The following TRPV3 variants were observed in gnomAD, a reference collection of about 807,000 sequenced individuals.
TRPV3 encodes VRL-3.
In TRPV3, 88 loss-of-function variants were observed where a neutral mutation model predicts 87.1. The ratio of observed to expected loss-of-function variants is 1.01; its 90% CI spans 0.85 to 1.21. The LOEUF (loss-of-function observed/expected upper bound fraction) is 1.21. TRPV3 is among the 50% of genes most tolerant of loss of function. The pLI is 0.00. For synonymous variants in TRPV3, 438 were observed against 423.3 expected, an observed-to-expected ratio of 1.03 and a Z score of -0.43; for missense variants, 1,054 against 1,030.1, an observed-to-expected ratio of 1.02 and a Z score of -0.32.
intron 6 of TRPV3, among the ~76,000 whole-genome samples, chr17:3,541,379 A>C (rs1356994412): frequency 6.6e-6 from 1 of 152,192 alleles, no homozygotes; most frequent in Non-Finnish European, 1.5e-5. Flanking sequence ...AAAAACAAAA[A>C]CAAAAAAGCT....
At position 3,528,589 on chromosome 17, in the gene TRPV3, C is replaced by T. The variant is rs2074320734; in HGVS notation, c.1401+248G>A. Among the ~76,000 whole-genome samples, 1 of 152,192 alleles carries T rather than the reference C, an allele frequency of 6.6e-6. No homozygotes were observed. The highest frequency in any genetic ancestry group is 1.5e-5 in the Non-Finnish European group (1 of 68,034). On this transcript the variant is annotated intron_variant, in intron 10 of 17. Transcript: ENST00000576742. The surrounding 1 kb of genome is among the most constrained non-coding windows in gnomAD (Gnocchi z 4.2). ...TTACAGACAGAGACCCTGTGCAGGGCCTGAGTCTCCGAATTCTCCAACTTT... is the reference window on the plus strand; with the variant it reads ...TTACAGACAGAGACCCTGTGCAGGGTCTGAGTCTCCGAATTCTCCAACTTT...
At chr17:3,535,312 C>T (rs2074396930) in intron 7 of TRPV3, among the ~76,000 whole-genome samples, 1 of 97,650 alleles carries the variant, frequency 1.0e-5, no homozygotes, top group Non-Finnish European at 2.5e-5. Flanking sequence ...TTCCCTCTTC[C>T]TTTCTCCCTC....
rs1427813304 is a variant in TRPV3 at position 3,524,279 on chromosome 17, G to A, written c.1662C>T (p.Ala554=). ...GCATGTTCGCCCAGCCCAGGGCCATGGCCAGCACGAGGCAGGCGAGGTACT... is the reference window on the plus strand; with the variant it reads ...GCATGTTCGCCCAGCCCAGGGCCATAGCCAGCACGAGGCAGGCGAGGTACT... The part of the protein sequence containing the change: ...YKEYLACLVL[A]MALGWANMLY... Residue 554 remains alanine, a synonymous_variant, in exon 13 of 18, where the codon GCC becomes GCT. Coordinates refer to ENST00000576742, the MANE Select transcript of TRPV3 (RefSeq NM_145068.4). 4.3e-6 allele frequency: 7 copies of A among 1,614,098 alleles called. No individual in the cohort carries two copies. Among genetic ancestry groups the A allele is most frequent in the Non-Finnish European group, 5.1e-6 (6 of 1,180,048 alleles).
intron 17 of TRPV3, 77 bp downstream of exon 17, chr17:3,514,516 A>G (rs1405816633): frequency 5.9e-6 from 6 of 1,021,418 alleles, no homozygotes; most frequent in Non-Finnish European, 6.2e-6. Context: ...GAAAGTCAGG[A>G]CCCTTAGACT....
At chr17:3,523,718 C>CAAAAAAAAAAAAAAAAAAAAAAAA (rs201681037) in intron 13 of TRPV3, among the ~76,000 whole-genome samples, 1 of 78,640 alleles carries the variant, frequency 1.3e-5, no homozygotes, top group Non-Finnish European at 2.6e-5. Context: ...ACTTGGTCTC[C>CAAAAAAAAAAAAAAAAAAAAAAAA]AAAAAAAAAA....
chr17:3,519,037 G>C (rs2040924527), intron 14 of TRPV3, among the ~76,000 whole-genome samples, 187 bp from the exon 15 acceptor site: 1 of 152,180 alleles, frequency 6.6e-6, no homozygotes, highest in African/African-American at 2.4e-5. Context: ...CCTGCAGAAA[G>C]CCCTTCCACC....
At chr17:3,539,156 T>TAATC (rs765941202) in intron 6 of TRPV3, among the ~76,000 whole-genome samples, 5 of 152,144 alleles carry the variant, frequency 3.3e-5, no homozygotes, top group Admixed American at 1.3e-4. Flanking sequence ...GGTTAATAGT[T>TAATC]AATCAAAAAA....
intron 12 of TRPV3, 121 bp from the exon 13 acceptor site, chr17:3,524,484 A>G (rs975262193): frequency 2.8e-5 from 36 of 1,265,988 alleles, no homozygotes; most frequent in African/African-American, 6.0e-5. Context: ...CGGATGCTGA[A>G]GAGACCAGAA....
intron 2 of TRPV3, among the ~76,000 whole-genome samples, chr17:3,546,293 T>C (rs188938876): frequency 7.3e-5 from 11 of 151,144 alleles, no homozygotes; most frequent in Admixed American, 7.2e-4. Flanking sequence ...AATACAAAAA[T>C]TAGACAGGCG....
chr17:3,527,051 G>C, intron 11 of TRPV3, 124 bp from the exon 12 acceptor site: 2 of 748,088 alleles, frequency 2.7e-6, no homozygotes, highest in African/African-American at 1.7e-5. Context: ...CCCAGCTAGA[G>C]TCCAGGTGGC....
At chr17:3,535,800 G>A in intron 6 of TRPV3, 87 bp from the exon 7 acceptor site, 2 of 1,350,936 alleles carry the variant, frequency 1.5e-6, no homozygotes, top group Non-Finnish European at 1.9e-6. Flanking sequence ...TACCCTCCCC[G>A]AACCCACGGG....
chr17:3,524,220 A>G lies in TRPV3; in HGVS notation c.1721T>C (p.Met574Thr), dbSNP rs1212526222. 2.5e-6 allele frequency: 4 copies of G among 1,614,216 alleles called. No individual in the cohort carries two copies. Among genetic ancestry groups the G allele is most frequent in the East Asian group, 2.2e-5 (1 of 44,884 alleles). Residue 574 changes from methionine to threonine, a missense_variant, in exon 13 of 18, where the codon ATG (methionine) becomes ACG (threonine). By Grantham distance (81) the Met-to-Thr change is moderately conservative. Coordinates refer to ENST00000576742, the MANE Select transcript of TRPV3 (RefSeq NM_145068.4). Reference sequence around the variant, plus strand: ...CACCTTCTGGATCATGACGCTGTACATGCCCATGGACTGGAAACCCCGCGT... The same window carrying G: ...CACCTTCTGGATCATGACGCTGTACGTGCCCATGGACTGGAAACCCCGCGT... ...YYTRGFQSMG[M>T]YSVMIQKVIL...
Position 3,530,833 on chromosome 17 carries a change from A to G in TRPV3, c.1066-630T>C, listed in dbSNP as rs574678970. ...CACTTTGGGAGGCCGAGGCGGGTGG[A>G]TCATTTGAGGTCAGGAGTTCGAGAC... On this transcript the variant is annotated intron_variant, in intron 8 of 17. Coordinates refer to ENST00000576742, the MANE Select transcript of TRPV3 (RefSeq NM_145068.4). This position sits in a 1 kb window ranked among gnomAD's most constrained non-coding sequence, Gnocchi z 4.0. Among the ~76,000 whole-genome samples the G allele has an allele frequency of 6.6e-6, 1 of 152,214 alleles. No homozygotes were observed. The highest frequency in any genetic ancestry group is 1.9e-4 in the East Asian group (1 of 5,162).
In TRPV3 at chr17:3,528,728, C is replaced by A; in HGVS notation, c.1401+109G>T. The A allele has an allele frequency of 7.4e-7, 1 of 1,346,510 alleles. No homozygotes were observed. Among genetic ancestry groups the A allele is most frequent in the Admixed American group, 2.2e-5 (1 of 44,886 alleles). The allele number at this position is 1,346,510 out of a possible 1,614,324, so 83.4% of individuals were successfully genotyped here. On this transcript the variant is annotated intron_variant, in intron 10 of 17. Transcript: ENST00000576742. The surrounding 1 kb of genome is among the most constrained non-coding windows in gnomAD (Gnocchi z 4.2). ...GTGAAGGACAACTGGGGGACCCCGC[C>A]CAATCTCCTGGTCTCTCTGGGCCTC...
rs1261444726 is a variant in TRPV3, at chr17:3,513,673, C to T, written c.*244G>A. On this transcript the variant is annotated 3_prime_UTR_variant, in exon 18 of 18. Transcript: ENST00000576742. ...CAGGAGGCTCCCAGGCTCCAGACTG[C>T]TGCTGGCTGTAGGTTTACACCAGCT... 2 of 425,312 alleles carry T rather than the reference C, an allele frequency of 4.7e-6. No individual in the cohort carries two copies. Among genetic ancestry groups the T allele is most frequent in the Admixed American group, 7.6e-5 (2 of 26,306 alleles). The allele number at this position is 425,312 out of a possible 1,614,324, so 26.3% of individuals were successfully genotyped here.
intron 5 of TRPV3, among the ~76,000 whole-genome samples, chr17:3,542,905 G>T (rs1478800696): frequency 6.6e-6 from 1 of 151,912 alleles, no homozygotes; most frequent in Non-Finnish European, 1.5e-5. Context: ...GTGGCCCATG[G>T]GTGACGTATC....
rs201062148 is a variant in TRPV3 at position 3,518,583 on chromosome 17, C to T, written c.2078G>A (p.Arg693His). The T allele has an allele frequency of 1.8e-4, 279 of 1,553,812 alleles. No individual in the cohort carries two copies. The highest frequency in any genetic ancestry group is 2.3e-4 in the Non-Finnish European group (260 of 1,147,916). The change falls in exon 15 of 18, where the codon CGC becomes CAC. Residue 693 changes from arginine (R) to histidine (H), a missense_variant. Physicochemically the swap from Arg to His is conservative, Grantham distance 29. Transcript: ENST00000576742. The surrounding 1 kb of genome is among the most constrained non-coding windows in gnomAD (Gnocchi z 4.3). ...GTCTCCACCTAGGCTCACCTGCAGG[C>T]GCCAGATGCGTTCGCTCTCCTTGGA... ...NVSKESERIW[R>H]LQRARTILEF...
At chr17:3,551,867 A>ATTTTTTT (rs2074577917) in intron 2 of TRPV3, among the ~76,000 whole-genome samples, 3 of 23,998 alleles carry the variant, frequency 1.3e-4, no homozygotes, top group Non-Finnish European at 3.6e-4. Flanking sequence ...CCTGTAATTT[A>ATTTTTTT]TTCTTTTTTT....
chr17:3,531,877 G>C (rs1167082998), intron 8 of TRPV3, among the ~76,000 whole-genome samples: 1 of 152,172 alleles, frequency 6.6e-6, no homozygotes, highest in Non-Finnish European at 1.5e-5. Context: ...CAAGGCCCTC[G>C]GGGCAGCTGA....
Sources: gnomAD v4.1 joint callset for allele counts (sites outside exome capture counted in the v4.1 genomes callset) on GRCh38, gnomAD v4.1.1 for gene constraint, Gnocchi (gnomAD v3.1) non-coding constraint, MANE v1.5 for transcripts, NCBI Gene and HGNC (gene_info 2026-07-23, HGNC 2026-07-21) for gene names.